Variants in LMF1 observed in about 807,000 individuals in gnomAD.
LMF1 encodes the protein transmembrane protein 112.
In LMF1, 68 loss-of-function variants were observed where a neutral mutation model predicts 60.6. The ratio of observed to expected loss-of-function variants is 1.12; its 90% confidence interval spans 0.92 to 1.37. The LOEUF is 1.37. LMF1 is among the 40% of genes most tolerant of loss of function. The pLI is 0.00. For missense variants in LMF1, 948 were observed against 767.2 expected (o/e 1.24, Z -2.78); for synonymous variants, 418 against 324.7 (o/e 1.29, Z -3.09).
chr16:947,319 G>A, intron 2 of LMF1: 1 of 369,832 alleles, frequency 2.7e-6, no homozygotes, highest in Non-Finnish European at 5.4e-6. Context: ...CCCAGCCAGG[G>A]AGGGCCCCAC....
At chr16:875,838 T>G (rs1286802201) in intron 6 of LMF1, among the ~76,000 whole-genome samples, 2 of 151,798 alleles carry the variant, frequency 1.3e-5, no homozygotes, top group East Asian at 1.9e-4. Flanking sequence ...ACGCAGGAGG[T>G]GTGTGGGGTC....
intron 1 of LMF1, 45 bp downstream of exon 1, chr16:970,743 G>A: frequency 6.8e-7 from 1 of 1,475,936 alleles, no homozygotes; most frequent in South Asian, 1.3e-5. Context: ...GTCGTGGTGC[G>A]CGGAGGTGAC....
intron 4 of LMF1, among the ~76,000 whole-genome samples, chr16:894,874 A>G (rs2070617961): frequency 1.3e-5 from 2 of 152,206 alleles, no homozygotes; most frequent in Non-Finnish European, 2.9e-5. Flanking sequence ...TCCACACGAA[A>G]TGGAATTCGG....
intron 5 of LMF1, among the ~76,000 whole-genome samples, chr16:881,979 T>C (rs2070174865): frequency 6.6e-6 from 1 of 152,114 alleles, no homozygotes; most frequent in Non-Finnish European, 1.5e-5. Flanking sequence ...GGAGGTCCCA[T>C]GTGTTCCAGG....
chr16:955,358 TAC>T (rs1285552388), intron 1 of LMF1, among the ~76,000 whole-genome samples: 3 of 145,452 alleles, frequency 2.1e-5, no homozygotes, highest in African/African-American at 5.2e-5. Context: ...CCCGACCCGT[TAC>T]ATAAAATGCG....
intron 3 of LMF1, among the ~76,000 whole-genome samples, chr16:920,641 G>A (rs1012204211): frequency 6.6e-6 from 1 of 152,202 alleles, no homozygotes; most frequent in African/African-American, 2.4e-5. Context: ...GTCCATGTCC[G>A]TGGAGCCACA....
chr16:958,577 C>T (rs2729575), intron 1 of LMF1, among the ~76,000 whole-genome samples: 20,647 of 152,056 alleles, frequency 0.14, 1,692 homozygotes, highest in African/African-American at 0.23. Context: ...GTCACATGGC[C>T]GAAGTGCTTG....
chr16:970,436 G>T (rs1422946440), intron 1 of LMF1, among the ~76,000 whole-genome samples: 1 of 151,972 alleles, frequency 6.6e-6, no homozygotes, highest in Non-Finnish European at 1.5e-5. Context: ...CCCTCCACCT[G>T]CCCAGCTCTC....
intron 5 of LMF1, among the ~76,000 whole-genome samples, chr16:892,437 G>A (rs1402612232): frequency 6.6e-6 from 1 of 152,104 alleles, no homozygotes; most frequent in East Asian, 1.9e-4. Context: ...GTGAACACGT[G>A]AGCTCCAGGC....
upstream of LMF1, among the ~76,000 whole-genome samples, chr16:974,241 A>C (rs2073094310): frequency 6.6e-6 from 1 of 152,224 alleles, no homozygotes; most frequent in Non-Finnish European, 1.5e-5. Flanking sequence ...GCTTCTCTGC[A>C]AACCCAGAGT....
At chr16:873,759 G>C (rs1231291651) in intron 6 of LMF1, 3 of 152,400 alleles carry the variant, frequency 2.0e-5, no homozygotes, top group African/African-American at 7.2e-5. Flanking sequence ...GATGAGGGCA[G>C]AAGAACATGG....
intron 1 of LMF1, among the ~76,000 whole-genome samples, chr16:954,980 G>T (rs111312937): frequency 6.5e-5 from 5 of 77,070 alleles, no homozygotes; most frequent in African/African-American, 2.2e-4. Context: ...ATATCTAAGT[G>T]AACCAGACAC....
chr16:955,457 CGCG>C (rs1567318032), intron 1 of LMF1, among the ~76,000 whole-genome samples: 8 of 53,378 alleles, frequency 1.5e-4, no homozygotes, highest in African/African-American at 7.3e-4. Flanking sequence ...CTGCAGCAGA[CGCG>C]GTGTGTGCAT....
intron 2 of LMF1, among the ~76,000 whole-genome samples, chr16:949,396 G>A (rs1359886964): frequency 3.8e-4 from 56 of 147,716 alleles, no homozygotes; most frequent in Middle Eastern, 4.3e-3. Flanking sequence ...CAGAGACAAC[G>A]ACAGAGTCAG....
chr16:929,760 G>C (rs1408567828), intron 3 of LMF1, among the ~76,000 whole-genome samples: 1 of 152,264 alleles, frequency 6.6e-6, no homozygotes, highest in Non-Finnish European at 1.5e-5. Flanking sequence ...GCAGAATGGG[G>C]TTTAACAAAT....
rs1567312834 is a variant in LMF1 at position 954,062 on chromosome 16, G to GCCTCCTACACGTTCACACAGACACCC, written c.503+294_503+295insGGGTGTCTGTGTGAACGTGTAGGAGG. Among the ~76,000 whole-genome samples the GCCTCCTACACGTTCACACAGACACCC allele has an allele frequency of 1.8e-5, 2 of 110,748 alleles. 1 individual carries two copies. Among genetic ancestry groups the GCCTCCTACACGTTCACACAGACACCC allele is most frequent in the African/African-American group, 8.1e-5 (2 of 24,686 alleles). 72.7% of individuals were successfully genotyped at this position (110,748 alleles called of 152,430 possible). On this transcript the variant is annotated intron_variant, in intron 2 of 10. Coordinates refer to ENST00000262301, the MANE Select transcript of LMF1 (RefSeq NM_022773.4). The stretch of plus-strand genomic sequence containing the variant: ...CCTCCTACACGTCCACACAGACACA[G>GCCTCCTACACGTTCACACAGACACCC]ACCCACTGCTTCTGCCTCCCTTTCC...
At chr16:981,007 C>A (rs2073341899) in intron 1 of LMF1, 1 of 190,372 alleles carries the variant, frequency 5.3e-6, no homozygotes, top group Non-Finnish European at 1.1e-5. Context: ...GCGCAGGCCC[C>A]GCCCAGCGCT....
intron 3 of LMF1, among the ~76,000 whole-genome samples, chr16:915,766 C>T (rs1407466483): frequency 6.6e-6 from 1 of 152,244 alleles, no homozygotes; most frequent in Admixed American, 6.5e-5. Context: ...GGACGAGAGA[C>T]ACGCAGGGTG....
chr16:915,315 C>G (rs1475951057), intron 3 of LMF1, among the ~76,000 whole-genome samples: 1 of 152,166 alleles, frequency 6.6e-6, no homozygotes, highest in African/African-American at 2.4e-5. Flanking sequence ...GCAGAGACCA[C>G]AGGGTGGTGC....
Sources: gnomAD v4.1 joint callset for allele counts (sites outside exome capture counted in the v4.1 genomes callset) on GRCh38, gnomAD v4.1.1 for gene constraint, MANE v1.5 for transcripts, NCBI Gene and HGNC (gene_info 2026-07-23, HGNC 2026-07-21) for gene names.